The following ZNF536 variants were observed in gnomAD, a reference collection of about 807,000 sequenced individuals.
ZNF536 encodes the protein zinc finger protein 536.
In ZNF536, 13 loss-of-function variants were observed where a neutral mutation model predicts 84.5. That is an observed-to-expected ratio of 0.15 (90% confidence interval 0.10 to 0.24). The LOEUF is 0.24. ZNF536 is among the 10% of genes least tolerant of loss of function. The pLI, the probability that ZNF536 is intolerant of heterozygous loss-of-function variation, is 1.00. For missense variants in ZNF536, 1,536 were observed against 1,747.5 expected, an observed-to-expected ratio of 0.88 and a Z score of 2.16; for synonymous variants, 811 against 742.5, an observed-to-expected ratio of 1.09 and a Z score of -1.50.
rs542208083 is a variant in ZNF536, at chr19:30,345,803, G to A, written c.-119-6565G>A. Among the ~76,000 whole-genome samples, 5 of 152,286 alleles carry A rather than the reference G, an allele frequency of 3.3e-5. No homozygotes were observed. In the South Asian group the frequency reaches 6.2e-4, roughly 19 times the overall value. On this transcript the variant is annotated intron_variant, in intron 2 of 5. Transcript: ENST00000585628. The stretch of plus-strand genomic sequence containing the variant: ...TGCAGTCTTCATCCAGTGTCATCCC[G>A]GGGACTAGGTCGGCCTACCTGAAAG...
chr19:30,679,866 G>A (rs1362139650), intron 1 of ZNF536, among the ~76,000 whole-genome samples: 5 of 152,172 alleles, frequency 3.3e-5, no homozygotes, highest in Non-Finnish European at 5.9e-5. Context: ...GTCAGCTCTG[G>A]GCATCCAGCC....
chr19:30,576,696 G>T (rs2046749472), intron 1 of ZNF536, among the ~76,000 whole-genome samples: 1 of 152,184 alleles, frequency 6.6e-6, no homozygotes. Flanking sequence ...CCAGTCCCAG[G>T]GGACTGGGTG....
At chr19:30,601,464 G>T (rs993202115) in intron 1 of ZNF536, among the ~76,000 whole-genome samples, 1 of 152,194 alleles carries the variant, frequency 6.6e-6, no homozygotes, top group Non-Finnish European at 1.5e-5. Context: ...CCTGTCTGAG[G>T]TCTCTGGGCT....
At chr19:30,544,942 A>C (rs1234076020) in intron 3 of ZNF536, among the ~76,000 whole-genome samples, 2 of 152,192 alleles carry the variant, frequency 1.3e-5, no homozygotes, top group Non-Finnish European at 2.9e-5. Context: ...TCCAGTCCCT[A>C]GTCCAGATTC....
intron 2 of ZNF536, among the ~76,000 whole-genome samples, chr19:30,306,190 ATTTTTTTT>A (rs201822113): frequency 1.5e-5 from 2 of 132,916 alleles, no homozygotes; most frequent in African/African-American, 2.9e-5. Context: ...CCTGGAGAGA[ATTTTTTTT>A]TTTTTTTTTT....
chr19:30,301,931 T>G (rs947252686), intron 2 of ZNF536, among the ~76,000 whole-genome samples: 27 of 151,934 alleles, frequency 1.8e-4, no homozygotes, highest in Non-Finnish European at 1.5e-4. Flanking sequence ...CTGCCCCACC[T>G]CTGCACACTG....
intron 2 of ZNF536, among the ~76,000 whole-genome samples, chr19:30,530,349 G>GTT (rs946408527): frequency 1.1e-4 from 17 of 152,038 alleles, no homozygotes; most frequent in African/African-American, 3.9e-4. Flanking sequence ...TGTTGTTGTT[G>GTT]TTGTTGTTGT....
intron 2 of ZNF536, among the ~76,000 whole-genome samples, chr19:30,460,815 C>T (rs542043783): frequency 2.0e-5 from 3 of 152,200 alleles, no homozygotes; most frequent in Admixed American, 2.0e-4. Flanking sequence ...GTTGGGAAGC[C>T]ACAGAAAAAC....
chr19:30,661,985 T>C (rs759492178), intron 1 of ZNF536, among the ~76,000 whole-genome samples: 4 of 152,232 alleles, frequency 2.6e-5, no homozygotes, highest in Non-Finnish European at 5.9e-5. Flanking sequence ...AAATATTCTA[T>C]GTGTTTGAAT....
chr19:30,668,399 C>T (rs1208423636), intron 1 of ZNF536, among the ~76,000 whole-genome samples: 1 of 152,170 alleles, frequency 6.6e-6, no homozygotes, highest in Non-Finnish European at 1.5e-5. Context: ...TGTCCCAGGC[C>T]AGGCTACAGT....
intron 2 of ZNF536, among the ~76,000 whole-genome samples, chr19:30,303,137 G>A (rs974531170): frequency 1.3e-5 from 2 of 152,196 alleles, no homozygotes; most frequent in Non-Finnish European, 2.9e-5. Context: ...CTCCTAGATG[G>A]GTGATGGGTT....
intron 1 of ZNF536, among the ~76,000 whole-genome samples, chr19:30,418,546 T>C (rs892393800): frequency 6.6e-5 from 10 of 152,212 alleles, no homozygotes; most frequent in African/African-American, 2.4e-4. Context: ...CCTCATAAGA[T>C]GTTAAATAGC....
intron 1 of ZNF536, among the ~76,000 whole-genome samples, chr19:30,281,807 C>T (rs2045455305): frequency 6.6e-6 from 1 of 152,120 alleles, no homozygotes; most frequent in Admixed American, 6.5e-5. Context: ...CTTTTTGTCG[C>T]CTTTGCAATC....
intron 1 of ZNF536, among the ~76,000 whole-genome samples, chr19:30,236,107 A>T (rs963469148): frequency 6.6e-6 from 1 of 152,176 alleles, no homozygotes; most frequent in Admixed American, 6.5e-5. Flanking sequence ...TGGGAATGCG[A>T]GGAGGAAGAA....
intron 1 of ZNF536, among the ~76,000 whole-genome samples, chr19:30,248,396 ATTTT>A (rs34048586): frequency 0.2 from 27,056 of 133,834 alleles, 3,063 homozygotes; most frequent in East Asian, 0.49. Flanking sequence ...TGCCCTGCTA[ATTTT>A]TTTTTTTTTT....
At chr19:30,495,603 G>A (rs185351049) in intron 2 of ZNF536, among the ~76,000 whole-genome samples, 17 of 152,276 alleles carry the variant, frequency 1.1e-4, no homozygotes, top group Middle Eastern at 3.4e-3. Context: ...CACATGGAGC[G>A]TAGGCCCACA....
intron 2 of ZNF536, among the ~76,000 whole-genome samples, chr19:30,330,211 A>G (rs1449094818): frequency 6.6e-6 from 1 of 152,206 alleles, no homozygotes; most frequent in East Asian, 1.9e-4. Context: ...CCCACATGTT[A>G]AATATTAACT....
intron 2 of ZNF536, among the ~76,000 whole-genome samples, chr19:30,314,218 G>A (rs2046603348): frequency 6.6e-6 from 1 of 152,146 alleles, no homozygotes; most frequent in South Asian, 2.1e-4. Flanking sequence ...TCTGGGGCAG[G>A]GCAGCAGTCC....
At chr19:30,308,295 T>C (rs1279197535) in intron 2 of ZNF536, among the ~76,000 whole-genome samples, 1 of 152,192 alleles carries the variant, frequency 6.6e-6, no homozygotes, top group African/African-American at 2.4e-5. Context: ...ATGAACTTGA[T>C]TGCTGTGGCA....
Sources: allele counts gnomAD v4.1 joint callset (sites outside exome capture counted in the v4.1 genomes callset), GRCh38; gene constraint gnomAD v4.1.1; transcripts MANE v1.5; gene names NCBI Gene and HGNC (gene_info 2026-07-23, HGNC 2026-07-21).